ATP2B2: variants seen among roughly 807,000 people sequenced by gnomAD.
The protein encoded by ATP2B2 is ATPase plasma membrane Ca2+ transporting 2, also known as plasma membrane calcium-transporting ATPase 2.
Under a neutral mutation model 120.0 loss-of-function variants are expected in ATP2B2, and 15 were observed. The ratio of observed to expected loss-of-function variants is 0.12; its 90% confidence interval spans 0.08 to 0.19. ATP2B2 has a LOEUF of 0.19. Among genes scored for constraint, ATP2B2 ranks in the 10% least tolerant of loss-of-function variants. ATP2B2 has a pLI of 1.00. For synonymous variants in ATP2B2, 694 were observed against 700.3 expected (o/e 0.99, Z 0.14); for missense variants, 1,045 against 1,719.8 (o/e 0.61, Z 6.94).
intron 2 of ATP2B2, among the ~76,000 whole-genome samples, chr3:10,427,521 C>T (rs1168992950): frequency 6.6e-6 from 1 of 152,188 alleles, no homozygotes; most frequent in Non-Finnish European, 1.5e-5. Flanking sequence ...GACAGTTAAG[C>T]CTAACCTTGG....
intron 2 of ATP2B2, among the ~76,000 whole-genome samples, chr3:10,598,551 C>A (rs1455934063): frequency 6.6e-6 from 1 of 152,152 alleles, no homozygotes; most frequent in African/African-American, 2.4e-5. Flanking sequence ...AGAATGCCAC[C>A]CTGAGGCTAC....
rs756650411 is a variant in ATP2B2, at chr3:10,375,401, C to G, written c.1416+29G>C. ...GGCCCTCAGCTGCAGCTGCATCAGC[C>G]GGCTGGTCCTGCTCTCCTCCCCTCT... On this transcript the variant is annotated intron_variant, in intron 11 of 22. Transcript: ENST00000360273. This position sits in a 1 kb window ranked among gnomAD's most constrained non-coding sequence, Gnocchi z 4.2. 7.0e-6 allele frequency: 11 copies of G among 1,579,280 alleles called. No individual in the cohort carries two copies. The highest frequency in any genetic ancestry group is 2.2e-4 in the Middle Eastern group (1 of 4,452).
At chr3:10,348,726 A>G (rs773476875) in intron 16 of ATP2B2, among the ~76,000 whole-genome samples, 2 of 152,226 alleles carry the variant, frequency 1.3e-5, no homozygotes, top group Non-Finnish European at 2.9e-5. Context: ...TTGGGTCCAG[A>G]GCACCCCATG....
intron 2 of ATP2B2, among the ~76,000 whole-genome samples, chr3:10,588,427 C>G (rs949160769): frequency 5.9e-5 from 9 of 152,170 alleles, no homozygotes; most frequent in African/African-American, 2.2e-4. Flanking sequence ...TTTGTGAACC[C>G]CTTCCACATC....
At chr3:10,426,132 C>T (rs552005064) in intron 2 of ATP2B2, among the ~76,000 whole-genome samples, 1 of 152,218 alleles carries the variant, frequency 6.6e-6, no homozygotes, top group South Asian at 2.1e-4. Flanking sequence ...TGCTCTTCCC[C>T]CTGCCTCTGT....
intron 9 of ATP2B2, among the ~76,000 whole-genome samples, chr3:10,378,991 G>A (rs533475591): frequency 6.6e-6 from 1 of 152,364 alleles, no homozygotes; most frequent in East Asian, 1.9e-4. Flanking sequence ...AAAGTCTTCA[G>A]CTGAATGGGG....
intron 5 of ATP2B2, among the ~76,000 whole-genome samples, chr3:10,394,899 T>C (rs2061984843): frequency 6.6e-6 from 1 of 152,054 alleles, no homozygotes; most frequent in Non-Finnish European, 1.5e-5. Flanking sequence ...ACTGCCACAT[T>C]GATGGCATCT....
At chr3:10,446,889 G>A (rs1279907560) in intron 2 of ATP2B2, among the ~76,000 whole-genome samples, 1 of 152,264 alleles carries the variant, frequency 6.6e-6, no homozygotes, top group Non-Finnish European at 1.5e-5. Context: ...TTACAGATGA[G>A]AAAACAGAGT....
chr3:10,388,438 T>A, intron 5 of ATP2B2, 36 bp from the exon 6 acceptor site: 1 of 1,613,982 alleles, frequency 6.2e-7, no homozygotes, highest in Non-Finnish European at 8.5e-7. Flanking sequence ...TACCATTGCA[T>A]GGTTGAAGCC....
At chr3:10,518,795 G>A (rs997026495) in intron 3 of ATP2B2, among the ~76,000 whole-genome samples, 3 of 152,314 alleles carry the variant, frequency 2.0e-5, no homozygotes, top group Non-Finnish European at 4.4e-5. Flanking sequence ...GCTTTCACCG[G>A]CAGGTGCTGT....
intron 11 of ATP2B2, among the ~76,000 whole-genome samples, chr3:10,373,838 T>C (rs1220617807): frequency 6.6e-6 from 1 of 152,164 alleles, no homozygotes; most frequent in Non-Finnish European, 1.5e-5. Context: ...CCTCTGAAAG[T>C]GCTGGGGATT....
chr3:10,374,242 A>G (rs1399248896), intron 11 of ATP2B2, among the ~76,000 whole-genome samples: 1 of 152,114 alleles, frequency 6.6e-6, no homozygotes, highest in African/African-American at 2.4e-5. Context: ...TGGCTCTATA[A>G]CAGTCACCCT....
intron 1 of ATP2B2, among the ~76,000 whole-genome samples, chr3:10,493,518 G>A (rs7650298): frequency 0.019 from 2,908 of 152,216 alleles, 83 homozygotes; most frequent in African/African-American, 0.065. Flanking sequence ...AAGGAGTCTC[G>A]ACTTGTTCCT....
intron 2 of ATP2B2, among the ~76,000 whole-genome samples, chr3:10,545,159 T>C (rs4470492): frequency 0.13 from 19,049 of 152,264 alleles, 1,512 homozygotes; most frequent in East Asian, 0.4. Flanking sequence ...TTACATACTG[T>C]ATGATGCCAT....
intron 10 of ATP2B2, among the ~76,000 whole-genome samples, chr3:10,377,512 G>A (rs1297018419): frequency 6.6e-6 from 1 of 152,238 alleles, no homozygotes; most frequent in Non-Finnish European, 1.5e-5. Context: ...CTCCTTACCC[G>A]GGAGGGGAAG....
intron 2 of ATP2B2, among the ~76,000 whole-genome samples, chr3:10,561,385 C>T (rs1302743084): frequency 6.6e-6 from 1 of 152,170 alleles, no homozygotes; most frequent in Non-Finnish European, 1.5e-5. Flanking sequence ...TACTGGTTAA[C>T]CCCCCAGCGG....
intron 1 of ATP2B2, among the ~76,000 whole-genome samples, chr3:10,700,158 T>C (rs1383215566): frequency 6.6e-6 from 1 of 152,114 alleles, no homozygotes; most frequent in Non-Finnish European, 1.5e-5. Flanking sequence ...TCCCCCTCCA[T>C]GACACCCACC....
chr3:10,545,948 G>A (rs1351795840), intron 2 of ATP2B2, among the ~76,000 whole-genome samples: 2 of 152,174 alleles, frequency 1.3e-5, no homozygotes, highest in South Asian at 2.1e-4. Context: ...CAATTCACAC[G>A]ATTCCAACAA....
At chr3:10,685,040 G>A (rs531231405) in intron 1 of ATP2B2, among the ~76,000 whole-genome samples, 5 of 152,298 alleles carry the variant, frequency 3.3e-5, no homozygotes, top group South Asian at 2.1e-4. Context: ...AAGACCAGGC[G>A]ATGGTAGACA....
Sources: allele counts gnomAD v4.1 joint callset (sites outside exome capture counted in the v4.1 genomes callset), GRCh38; gene constraint gnomAD v4.1.1; non-coding constraint Gnocchi (gnomAD v3.1); transcripts MANE v1.5; gene names NCBI Gene and HGNC (gene_info 2026-07-23, HGNC 2026-07-21).